The following LRP1B variants were observed in gnomAD, a reference collection of about 807,000 sequenced individuals.
LRP1B encodes the protein LDL receptor related protein 1B.
In LRP1B, 217 loss-of-function variants were observed where a neutral mutation model predicts 556.6. That is an observed-to-expected ratio of 0.39 (90% CI 0.35 to 0.44). The LOEUF is 0.44. LRP1B is among the 20% of genes least tolerant of loss of function. The pLI is 1.00. For synonymous variants in LRP1B, 2,047 were observed against 1,865.8 expected, an observed-to-expected ratio of 1.10 and a Z score of -2.50; for missense variants, 5,053 against 5,620.8, an observed-to-expected ratio of 0.90 and a Z score of 3.23.
At chr2:141,140,480 T>C (rs1701620245) in intron 7 of LRP1B, among the ~76,000 whole-genome samples, 1 of 152,178 alleles carries the variant, frequency 6.6e-6, no homozygotes, top group Admixed American at 6.6e-5. Context: ...TATTTGGAGA[T>C]AGGTCCTTTA....
intron 7 of LRP1B, among the ~76,000 whole-genome samples, chr2:141,138,110 A>G (rs1701536021): frequency 6.6e-6 from 1 of 151,964 alleles, no homozygotes; most frequent in Non-Finnish European, 1.5e-5. Flanking sequence ...GGTGGTGTTT[A>G]TTCCAATCAT....
chr2:140,806,462 G>C (rs1690719762), intron 32 of LRP1B, among the ~76,000 whole-genome samples: 1 of 152,116 alleles, frequency 6.6e-6, no homozygotes, highest in Non-Finnish European at 1.5e-5. Context: ...GAGAGCAACT[G>C]TGCATATAGT....
chr2:141,730,118 G>C (rs1276495292), intron 2 of LRP1B, among the ~76,000 whole-genome samples: 2 of 152,144 alleles, frequency 1.3e-5, no homozygotes. Flanking sequence ...GTCAATTTTT[G>C]TCAAACATCA....
At chr2:141,825,188 T>C (rs1474117333) in intron 1 of LRP1B, among the ~76,000 whole-genome samples, 3 of 152,118 alleles carry the variant, frequency 2.0e-5, no homozygotes, top group African/African-American at 7.2e-5. Flanking sequence ...AACAACTAGC[T>C]CTGAAAAAAA....
chr2:142,088,899 T>C (rs1232548673), intron 1 of LRP1B, among the ~76,000 whole-genome samples: 1 of 142,234 alleles, frequency 7.0e-6, no homozygotes, highest in Non-Finnish European at 1.5e-5. Flanking sequence ...GGCATGAACC[T>C]GGCAGGCGGA....
chr2:140,461,897 G>T (rs978996434), intron 60 of LRP1B, among the ~76,000 whole-genome samples: 1 of 151,996 alleles, frequency 6.6e-6, no homozygotes, highest in Non-Finnish European at 1.5e-5. Context: ...GTAAAAAATA[G>T]GATATAGAAT....
At chr2:141,428,932 G>A (rs1039468979) in intron 3 of LRP1B, among the ~76,000 whole-genome samples, 1 of 152,162 alleles carries the variant, frequency 6.6e-6, no homozygotes, top group African/African-American at 2.4e-5. Flanking sequence ...TGAATTAATA[G>A]TTTGGTATTT....
At chr2:141,457,323 C>G (rs545647988) in intron 3 of LRP1B, among the ~76,000 whole-genome samples, 1 of 151,986 alleles carries the variant, frequency 6.6e-6, no homozygotes, top group Non-Finnish European at 1.5e-5. Context: ...ATATGATAAG[C>G]TCATAACAGG....
At chr2:140,339,077 A>C (rs1030360026) in intron 77 of LRP1B, among the ~76,000 whole-genome samples, 1 of 151,794 alleles carries the variant, frequency 6.6e-6, no homozygotes, top group Admixed American at 6.6e-5. Flanking sequence ...CTCTAAATAC[A>C]CAGCCAGTTT....
chr2:141,747,705 T>C (rs940615979), intron 2 of LRP1B, among the ~76,000 whole-genome samples: 5 of 152,172 alleles, frequency 3.3e-5, no homozygotes, highest in Admixed American at 6.6e-5. Flanking sequence ...CTTGATAACA[T>C]TGTGTTTGGG....
At chr2:141,072,168 A>G (rs1699664773) in intron 7 of LRP1B, among the ~76,000 whole-genome samples, 1 of 152,068 alleles carries the variant, frequency 6.6e-6, no homozygotes, top group Non-Finnish European at 1.5e-5. Flanking sequence ...GCTCCATAAT[A>G]TCATAAGATT....
intron 27 of LRP1B, among the ~76,000 whole-genome samples, chr2:140,864,677 G>T (rs997720919): frequency 6.6e-6 from 1 of 151,950 alleles, no homozygotes; most frequent in Non-Finnish European, 1.5e-5. Flanking sequence ...TAATATACCT[G>T]AAACTTAATT....
chr2:141,745,208 A>G (rs1693867589), intron 2 of LRP1B, among the ~76,000 whole-genome samples: 2 of 152,012 alleles, frequency 1.3e-5, no homozygotes, highest in South Asian at 4.2e-4. Context: ...ACCTATGTTC[A>G]AGACCCCAGG....
At chr2:140,723,402 G>A (rs1321011469) in intron 35 of LRP1B, among the ~76,000 whole-genome samples, 5 of 152,022 alleles carry the variant, frequency 3.3e-5, no homozygotes, top group African/African-American at 1.2e-4. Flanking sequence ...ACATGGGCAA[G>A]GAAAAAATTT....
intron 26 of LRP1B, 92 bp downstream of exon 26, chr2:140,868,007 A>G (rs924924734): frequency 7.2e-7 from 1 of 1,382,690 alleles, no homozygotes; most frequent in African/African-American, 1.5e-5. Flanking sequence ...TAATATATGT[A>G]TACATGATAC....
intron 7 of LRP1B, among the ~76,000 whole-genome samples, chr2:141,161,993 A>G (rs181911630): frequency 4.6e-4 from 70 of 152,132 alleles, no homozygotes; most frequent in Admixed American, 9.8e-4. Flanking sequence ...ATAGGATGAA[A>G]TCTCAGATGA....
chr2:140,717,406 A>G (rs1235715948), intron 35 of LRP1B, among the ~76,000 whole-genome samples: 2 of 152,134 alleles, frequency 1.3e-5, no homozygotes, highest in East Asian at 3.8e-4. Flanking sequence ...AATGTCAACT[A>G]CAAGACCCTT....
Position 141,887,132 on chromosome 2 carries a change from A to T in LRP1B, c.83-76731T>A, listed in dbSNP as rs554283200. On this transcript the variant is annotated intron_variant, in intron 1 of 90. Coordinates refer to ENST00000389484, the MANE Select transcript of LRP1B (RefSeq NM_018557.3). ...TGCTTCAGCCTCCCTAGTAGCTGGG[A>T]TTACAGGCATGTGCCACCATGCCTT... is the stretch of plus-strand genomic sequence containing the variant. Among the ~76,000 whole-genome samples the T allele has an allele frequency of 7.2e-5, 11 of 152,100 alleles. No individual in the cohort carries two copies. The East Asian group carries it at 1.9e-3, about 27-fold the overall frequency.
intron 83 of LRP1B, among the ~76,000 whole-genome samples, chr2:140,311,217 A>G (rs906243159): frequency 6.6e-6 from 1 of 151,846 alleles, no homozygotes; most frequent in African/African-American, 2.4e-5. Flanking sequence ...TATCAAAAAC[A>G]TATGGCACGT....
Sources: gnomAD v4.1 joint callset for allele counts (sites outside exome capture counted in the v4.1 genomes callset) on GRCh38, gnomAD v4.1.1 for gene constraint, MANE v1.5 for transcripts, NCBI Gene and HGNC (gene_info 2026-07-23, HGNC 2026-07-21) for gene names.